Variants in RBFOX1 observed in about 807,000 individuals in gnomAD.
RBFOX1 encodes RNA binding protein fox-1 homolog 1.
In RBFOX1, 8 loss-of-function variants were observed where a neutral mutation model predicts 57.7. The observed-to-expected ratio is 0.14, with a 90% CI of 0.08 to 0.25. RBFOX1 has a LOEUF of 0.25. Ranked by LOEUF, RBFOX1 falls within the 10% of genes least tolerant of loss-of-function variation. RBFOX1 has a pLI of 1.00. For synonymous variants in RBFOX1, 326 were observed against 222.4 expected, an observed-to-expected ratio of 1.47 and a Z score of -4.15; for missense variants, 611 against 548.5, an observed-to-expected ratio of 1.11 and a Z score of -1.14.
intron 4 of RBFOX1, among the ~76,000 whole-genome samples, chr16:7,498,200 G>A (rs1356888433): frequency 6.6e-6 from 1 of 152,090 alleles, no homozygotes; most frequent in Non-Finnish European, 1.5e-5. Context: ...TCCCTGTTCT[G>A]GATATATCTC....
At chr16:6,847,234 C>T (rs140593152) in intron 3 of RBFOX1, among the ~76,000 whole-genome samples, 93 of 152,258 alleles carry the variant, frequency 6.1e-4, no homozygotes, top group Middle Eastern at 3.4e-3. Context: ...TCATGATATA[C>T]AACATGTATC....
chr16:5,295,786 C>T (rs1287480004), intron 1 of RBFOX1, among the ~76,000 whole-genome samples: 1 of 152,070 alleles, frequency 6.6e-6, no homozygotes, highest in Admixed American at 6.6e-5. Flanking sequence ...AGTCATAGGC[C>T]CCACCCACAT....
At chr16:7,512,458 A>G (rs1180309739) in intron 4 of RBFOX1, among the ~76,000 whole-genome samples, 1 of 152,240 alleles carries the variant, frequency 6.6e-6, no homozygotes, top group Admixed American at 6.5e-5. Flanking sequence ...TAATTAGCCT[A>G]AAGTGCAAAT....
chr16:5,611,744 A>ATCCATCCATCCATCCATCCATCCATCCC (rs2047807657), intron 3 of RBFOX1, among the ~76,000 whole-genome samples: 1 of 144,118 alleles, frequency 6.9e-6, no homozygotes, highest in Non-Finnish European at 1.5e-5. Flanking sequence ...CCATCCATCC[A>ATCCATCCATCCATCCATCCATCCATCCC]TCCATTCACC....
chr16:7,357,716 G>A (rs560697848), intron 4 of RBFOX1, among the ~76,000 whole-genome samples: 19 of 152,290 alleles, frequency 1.2e-4, no homozygotes, highest in African/African-American at 4.1e-4. Context: ...CCCATGCTCA[G>A]AGGAGACCAG....
At chr16:5,321,790 G>T (rs778884611) in intron 1 of RBFOX1, among the ~76,000 whole-genome samples, 1 of 152,094 alleles carries the variant, frequency 6.6e-6, no homozygotes, top group African/African-American at 2.4e-5. Context: ...TGTGCACGGC[G>T]TGTGGCGTCT....
intron 3 of RBFOX1, among the ~76,000 whole-genome samples, chr16:5,775,863 A>T (rs975120676): frequency 6.6e-6 from 1 of 152,322 alleles, no homozygotes; most frequent in Non-Finnish European, 1.5e-5. Context: ...GAGAAAGACT[A>T]TCGGACGAGT....
intron 1 of RBFOX1, among the ~76,000 whole-genome samples, chr16:5,281,896 A>C (rs1294974318): frequency 6.6e-6 from 1 of 152,160 alleles, no homozygotes; most frequent in Non-Finnish European, 1.5e-5. Context: ...TTAGGTAGGT[A>C]ATTTAACCCA....
intron 1 of RBFOX1, among the ~76,000 whole-genome samples, chr16:6,181,278 T>G (rs2097060292): frequency 6.6e-6 from 1 of 152,220 alleles, no homozygotes; most frequent in South Asian, 2.1e-4. Flanking sequence ...CCAGTACTCA[T>G]AGCCTACTCT....
chr16:6,670,065 A>C (rs1419293826), intron 3 of RBFOX1, among the ~76,000 whole-genome samples: 1 of 152,138 alleles, frequency 6.6e-6, no homozygotes, highest in African/African-American at 2.4e-5. Context: ...TCTAGTGTCC[A>C]CGTTGGAGTG....
At chr16:7,473,538 C>G (rs2061996071) in intron 4 of RBFOX1, among the ~76,000 whole-genome samples, 1 of 149,000 alleles carries the variant, frequency 6.7e-6, no homozygotes, top group East Asian at 2.0e-4. Flanking sequence ...TATAAAGGAC[C>G]TTGACTATAG....
At chr16:6,233,146 G>C (rs553230820) in intron 1 of RBFOX1, among the ~76,000 whole-genome samples, 3 of 152,248 alleles carry the variant, frequency 2.0e-5, no homozygotes, top group South Asian at 4.2e-4. Context: ...GTATGAGCCC[G>C]ATCACAAAGC....
intron 1 of RBFOX1, among the ~76,000 whole-genome samples, chr16:5,332,203 CTA>C (rs1050465640): frequency 1.3e-5 from 2 of 152,148 alleles, no homozygotes; most frequent in African/African-American, 2.4e-5. Flanking sequence ...TATTTAACAC[CTA>C]ATGATAACAG....
intron 4 of RBFOX1, among the ~76,000 whole-genome samples, chr16:7,075,654 C>T (rs937932428): frequency 6.6e-5 from 10 of 152,110 alleles, no homozygotes; most frequent in Non-Finnish European, 1.5e-5. Context: ...GATCTTGGCT[C>T]ACTGCAAGGT....
chr16:7,705,653 G>C (rs577057315), intron 14 of RBFOX1, among the ~76,000 whole-genome samples: 45 of 152,306 alleles, frequency 3.0e-4, no homozygotes, highest in African/African-American at 9.9e-4. Flanking sequence ...GGTTTTAAGC[G>C]GGGAGTCATA....
chr16:6,315,362 G>GTGGATGGATGGATGGATGGA (rs754638128), intron 1 of RBFOX1, among the ~76,000 whole-genome samples: 9 of 150,034 alleles, frequency 6.0e-5, no homozygotes, highest in Non-Finnish European at 8.9e-5. Context: ...GAATGGGTGG[G>GTGGATGGATGGATGGATGGA]TGGATGGATG....
chr16:7,501,224 G>A (rs2070737107), intron 4 of RBFOX1, among the ~76,000 whole-genome samples: 1 of 152,184 alleles, frequency 6.6e-6, no homozygotes, highest in South Asian at 2.1e-4. Context: ...GTGACTACTT[G>A]TTTCCTCTGC....
At chr16:6,229,067 C>T (rs1003695422) in intron 1 of RBFOX1, among the ~76,000 whole-genome samples, 2 of 152,214 alleles carry the variant, frequency 1.3e-5, no homozygotes, top group African/African-American at 2.4e-5. Context: ...AGAATAGACT[C>T]TTCCTTGGCC....
At chr16:6,971,412 G>A (rs1365433384) in intron 3 of RBFOX1, among the ~76,000 whole-genome samples, 1 of 152,034 alleles carries the variant, frequency 6.6e-6, no homozygotes, top group Non-Finnish European at 1.5e-5. Flanking sequence ...AGCAGAAAGG[G>A]AAGGGTGGTG....
Sources: allele counts gnomAD v4.1 joint callset (sites outside exome capture counted in the v4.1 genomes callset), GRCh38; gene constraint gnomAD v4.1.1; transcripts MANE v1.5; gene names NCBI Gene and HGNC (gene_info 2026-07-23, HGNC 2026-07-21).